The following ANKIB1 variants were observed in gnomAD, a reference collection of about 807,000 sequenced individuals.
The protein encoded by ANKIB1 is ankyrin repeat and IBR domain-containing protein 1.
In ANKIB1, 43 loss-of-function variants were observed where a neutral mutation model predicts 122.1. The ratio of observed to expected loss-of-function variants is 0.35; its 90% CI spans 0.28 to 0.45. The LOEUF is 0.45. Among genes scored for constraint, ANKIB1 ranks in the 20% least tolerant of loss-of-function variants. The pLI, the probability that ANKIB1 is intolerant of heterozygous loss-of-function variation, is 1.00. For synonymous variants in ANKIB1, 390 were observed against 442.0 expected, an observed-to-expected ratio of 0.88 and a Z score of 1.48; for missense variants, 992 against 1,329.5, an observed-to-expected ratio of 0.75 and a Z score of 3.95.
chr7:92,259,299 C>G lies in ANKIB1; in HGVS notation c.-91+12780C>G, dbSNP rs17164465. On this transcript the variant is annotated intron_variant, in intron 1 of 19. Transcript: ENST00000265742. ...TAGCACATGCCATAATGTCCACGTGCCAGGTCGTAACCTAAAAGTTGTGTA... is the reference window on the plus strand; with the variant it reads ...TAGCACATGCCATAATGTCCACGTGGCAGGTCGTAACCTAAAAGTTGTGTA... Among the ~76,000 whole-genome samples the G allele has an allele frequency of 6.6e-3, 1,000 of 152,248 alleles. 42 individuals carry two copies. In the East Asian group the frequency reaches 0.12, roughly 18 times the overall value.
At chr7:92,254,625 T>A (rs1269485007) in intron 1 of ANKIB1, among the ~76,000 whole-genome samples, 2 of 152,218 alleles carry the variant, frequency 1.3e-5, no homozygotes, top group Non-Finnish European at 2.9e-5. Context: ...GCATTTTGAT[T>A]TTCAGTTCTG....
chr7:92,289,232 C>T (rs995466768), intron 1 of ANKIB1, among the ~76,000 whole-genome samples: 1 of 152,132 alleles, frequency 6.6e-6, no homozygotes, highest in African/African-American at 2.4e-5. Context: ...AATCTTAGTG[C>T]ATTTTGCTTA....
At chr7:92,277,704 T>G (rs1365121863) in intron 1 of ANKIB1, among the ~76,000 whole-genome samples, 1 of 152,074 alleles carries the variant, frequency 6.6e-6, no homozygotes, top group Admixed American at 6.5e-5. Context: ...CCCAGCAGTT[T>G]GGGAGGCCAG....
chr7:92,338,934 ATAT>A (rs1251363390), intron 5 of ANKIB1, among the ~76,000 whole-genome samples: 6 of 13,488 alleles, frequency 4.4e-4, no homozygotes, highest in Admixed American at 1.1e-3. Context: ...AAAAAAAAAA[ATAT>A]ATATATATAT....
intron 1 of ANKIB1, among the ~76,000 whole-genome samples, chr7:92,270,213 C>A (rs1249603164): frequency 3.3e-5 from 5 of 152,080 alleles, no homozygotes; most frequent in Admixed American, 6.6e-5. Flanking sequence ...TAGGCGCATG[C>A]CACCATGCCT....
chr7:92,333,882 T>C (rs1803232563), intron 5 of ANKIB1, among the ~76,000 whole-genome samples: 1 of 152,182 alleles, frequency 6.6e-6, no homozygotes, highest in Non-Finnish European at 1.5e-5. Flanking sequence ...AATGGAAATT[T>C]TTGAAAAATA....
rs555151689 is a variant in ANKIB1 at position 92,277,654 on chromosome 7, G to T, written c.-90-17235G>T. 2.6e-5 allele frequency among the ~76,000 whole-genome samples: 4 copies of T among 152,268 alleles called. No individual in the cohort carries two copies. The South Asian group carries it at 8.3e-4, about 32-fold the overall frequency. The stretch of plus-strand genomic sequence containing the variant: ...GACAATATTTATGGATGTTCTGTGT[G>T]AAAGTGCAGGGAGTGGGCGTGGAGG... On this transcript the variant is annotated intron_variant, in intron 1 of 19. Coordinates refer to ENST00000265742, the MANE Select transcript of ANKIB1 (RefSeq NM_019004.2).
chr7:92,340,856 A>G (rs1803422396), intron 5 of ANKIB1, among the ~76,000 whole-genome samples: 1 of 152,268 alleles, frequency 6.6e-6, no homozygotes, highest in Non-Finnish European at 1.5e-5. Flanking sequence ...CAAATGGCCA[A>G]CAAACACATC....
rs145189675 is a variant in ANKIB1, at chr7:92,356,962, T to A, written c.1397+4320T>A. ...ATAAAAATGAAGATTTCTACTTAAT[T>A]CACTCAGAATTGCTTATTAATAAAA... is the stretch of plus-strand genomic sequence containing the variant. On this transcript the variant is annotated intron_variant, in intron 9 of 19. Coordinates refer to ENST00000265742, the MANE Select transcript of ANKIB1 (RefSeq NM_019004.2). Among the ~76,000 whole-genome samples the A allele has an allele frequency of 3.6e-3, 555 of 152,334 alleles. 2 individuals are homozygous for A. The highest frequency in any genetic ancestry group is 0.012 in the African/African-American group (502 of 41,574).
rs1310776102 is a variant in ANKIB1, at chr7:92,338,960, ATATATATATATT to A, written c.788-4058_788-4047del. On this transcript the variant is annotated intron_variant, in intron 5 of 19. Transcript: ENST00000265742. ...TATATATATATATATATATATATAT[ATATATATATATT>A]TATATGAATCTTCCTTTTTTCTTTA... 4.6e-3 allele frequency among the ~76,000 whole-genome samples: 484 copies of A among 106,064 alleles called. 6 individuals carry two copies. Among genetic ancestry groups the A allele is most frequent in the African/African-American group, 0.014 (336 of 23,390 alleles). 69.6% of individuals were successfully genotyped at this position (106,064 alleles called of 152,430 possible). A position where few individuals can be genotyped will look rare whatever the true frequency, so the allele number is the denominator to read the frequency against.
intron 10 of ANKIB1, among the ~76,000 whole-genome samples, chr7:92,370,380 C>T (rs186178402): frequency 4.9e-4 from 74 of 151,208 alleles, no homozygotes; most frequent in African/African-American, 1.7e-3. Flanking sequence ...TGGTGGCAGG[C>T]GCCTATAGTC....
intron 17 of ANKIB1, chr7:92,395,834 C>T (rs1337849882): frequency 1.3e-5 from 2 of 153,626 alleles, no homozygotes; most frequent in African/African-American, 4.8e-5. Context: ...CCACAGCACC[C>T]ACCCCTGGTC....
At chr7:92,261,725 G>A (rs577920165) in intron 1 of ANKIB1, among the ~76,000 whole-genome samples, 6 of 152,252 alleles carry the variant, frequency 3.9e-5, no homozygotes, top group Non-Finnish European at 5.9e-5. Flanking sequence ...TAATAACTGC[G>A]TGAATTGGAG....
chr7:92,343,305 G>A, intron 6 of ANKIB1, 73 bp downstream of exon 6: 1 of 1,326,448 alleles, frequency 7.5e-7, no homozygotes, highest in East Asian at 2.5e-5. Flanking sequence ...ATTTAATATT[G>A]TTCCATGGAG....
intron 1 of ANKIB1, among the ~76,000 whole-genome samples, chr7:92,290,365 A>G (rs913681432): frequency 1.4e-5 from 2 of 143,360 alleles, no homozygotes; most frequent in Admixed American, 7.0e-5. Flanking sequence ...GAGTATATGT[A>G]TGAAAGTGTG....
At chr7:92,310,336 A>C (rs1300525567) in intron 3 of ANKIB1, among the ~76,000 whole-genome samples, 3 of 152,154 alleles carry the variant, frequency 2.0e-5, no homozygotes, top group African/African-American at 7.2e-5. Context: ...AAGGAGCCCT[A>C]TAAATACCTT....
intron 4 of ANKIB1, among the ~76,000 whole-genome samples, chr7:92,324,121 A>G (rs1240641087): frequency 1.3e-5 from 2 of 152,254 alleles, no homozygotes; most frequent in Non-Finnish European, 2.9e-5. Flanking sequence ...AGTGATGGAA[A>G]TGTTTTTAAA....
intron 10 of ANKIB1, among the ~76,000 whole-genome samples, chr7:92,363,963 A>G (rs1804011857): frequency 6.6e-6 from 1 of 152,214 alleles, no homozygotes; most frequent in African/African-American, 2.4e-5. Flanking sequence ...TGGATATTTT[A>G]TAGTGAAGCC....
rs761968945 is a variant in ANKIB1 at position 92,343,179 on chromosome 7, G to T, written c.943G>T (p.Val315Phe). Residue 315 changes from valine to phenylalanine, a missense_variant, in exon 6 of 20, where the codon GTC becomes TTC. Val to Phe is a conservative substitution (Grantham distance 50, BLOSUM62 -1). This residue lies in a region of ANKIB1 where 521 missense variants were observed against 777.7 expected (regional missense o/e 0.67). Coordinates refer to ENST00000265742, the MANE Select transcript of ANKIB1 (RefSeq NM_019004.2). ...PRTPRTTRSS[V>F]TSPDEISLSP... ...AACTCCAAGGACTACACGCTCTTCT[G>T]TCACCTCCCCAGATGAAATCAGCTT... 2.5e-6 allele frequency: 4 copies of T among 1,613,848 alleles called. No individual in the cohort carries two copies. The Admixed American group carries it at 5.0e-5, about 20-fold the overall frequency.
Sources: gnomAD v4.1 joint callset for allele counts (sites outside exome capture counted in the v4.1 genomes callset) on GRCh38, gnomAD v4.1.1 for gene constraint, gnomAD v4.1.1 regional missense constraint, MANE v1.5 for transcripts, NCBI Gene and HGNC (gene_info 2026-07-23, HGNC 2026-07-21) for gene names.